The following UNC5D variants were observed in gnomAD, a reference collection of about 807,000 sequenced individuals.
UNC5D encodes the protein unc-5 netrin receptor D, also known as netrin receptor UNC5D.
UNC5D carries 39 observed loss-of-function variants against 105.4 expected under a neutral mutation model. That is an observed-to-expected ratio of 0.37 (90% CI 0.29 to 0.48). The LOEUF (loss-of-function observed/expected upper bound fraction) is 0.48, where lower values mean the gene tolerates loss of function less well. Ranked by LOEUF, UNC5D falls within the 20% of genes least tolerant of loss-of-function variation. UNC5D has a pLI of 0.98. For synonymous variants in UNC5D, 452 were observed against 450.4 expected (o/e 1.00, Z -0.04); for missense variants, 991 against 1,202.4 (o/e 0.82, Z 2.60).
At chr8:35,465,526 C>T (rs1809236988) in intron 1 of UNC5D, among the ~76,000 whole-genome samples, 1 of 152,160 alleles carries the variant, frequency 6.6e-6, no homozygotes, top group Non-Finnish European at 1.5e-5. Flanking sequence ...ATTGTATGCT[C>T]AAAAGCCACA....
chr8:35,440,161 TC>T (rs1334307385), intron 1 of UNC5D, among the ~76,000 whole-genome samples: 2 of 152,006 alleles, frequency 1.3e-5, no homozygotes, highest in African/African-American at 4.8e-5. Context: ...TCTACCTAAC[TC>T]CATTCTTTGT....
intron 4 of UNC5D, among the ~76,000 whole-genome samples, chr8:35,632,130 G>A (rs1318449633): frequency 6.6e-6 from 1 of 152,342 alleles, no homozygotes; most frequent in Non-Finnish European, 1.5e-5. Context: ...TTAAGACCAA[G>A]AAGAGGTGAA....
chr8:35,467,572 CAAAAAAA>C (rs769649743), intron 1 of UNC5D, among the ~76,000 whole-genome samples: 1 of 42,540 alleles, frequency 2.4e-5, no homozygotes, highest in South Asian at 9.9e-4. Context: ...CTATGACAGG[CAAAAAAA>C]AAAAAAAAAA....
At chr8:35,605,727 C>T (rs1012984732) in intron 4 of UNC5D, among the ~76,000 whole-genome samples, 17 of 152,196 alleles carry the variant, frequency 1.1e-4, no homozygotes, top group African/African-American at 4.1e-4. Flanking sequence ...AACTCAATCA[C>T]TAGTTCTACA....
At chr8:35,261,573 C>A (rs1362946311) in intron 1 of UNC5D, among the ~76,000 whole-genome samples, 1 of 136,948 alleles carries the variant, frequency 7.3e-6, no homozygotes, top group African/African-American at 2.8e-5. Flanking sequence ...CAGTGCTCAT[C>A]TTTTGTGCTC....
chr8:35,569,449 C>A (rs1817578259), intron 3 of UNC5D, among the ~76,000 whole-genome samples: 1 of 152,188 alleles, frequency 6.6e-6, no homozygotes, highest in African/African-American at 2.4e-5. Context: ...TTGCTATTTG[C>A]AGAGACATTT....
At chr8:35,717,161 G>T (rs900643311) in intron 8 of UNC5D, among the ~76,000 whole-genome samples, 1 of 152,172 alleles carries the variant, frequency 6.6e-6, no homozygotes, top group African/African-American at 2.4e-5. Context: ...TGGGAGCAAT[G>T]GCATTCTGCA....
At chr8:35,467,936 T>C (rs189066258) in intron 1 of UNC5D, among the ~76,000 whole-genome samples, 2 of 152,202 alleles carry the variant, frequency 1.3e-5, no homozygotes, top group Non-Finnish European at 2.9e-5. Flanking sequence ...AAATCTAAAA[T>C]TCTGTGATCT....
At chr8:35,743,500 A>G (rs1275226991) in intron 11 of UNC5D, among the ~76,000 whole-genome samples, 1 of 149,380 alleles carries the variant, frequency 6.7e-6, no homozygotes, top group East Asian at 2.0e-4. Context: ...CTGGTCTTGA[A>G]CTCCTGACCT....
intron 1 of UNC5D, among the ~76,000 whole-genome samples, chr8:35,512,385 G>C (rs1038642084): frequency 2.1e-5 from 3 of 145,186 alleles, no homozygotes; most frequent in Non-Finnish European, 4.5e-5. Context: ...AGCCAGGCAC[G>C]TGCTTATATA....
intron 1 of UNC5D, among the ~76,000 whole-genome samples, chr8:35,467,572 C>CAAAAAAAAAAAAAA (rs769649743): frequency 2.4e-5 from 1 of 42,540 alleles, no homozygotes; most frequent in Non-Finnish European, 5.5e-5. Context: ...CTATGACAGG[C>CAAAAAAAAAAAAAA]AAAAAAAAAA....
At chr8:35,291,415 G>T (rs1316398967) in intron 1 of UNC5D, among the ~76,000 whole-genome samples, 1 of 152,186 alleles carries the variant, frequency 6.6e-6, no homozygotes, top group Non-Finnish European at 1.5e-5. Flanking sequence ...GTACCATAAA[G>T]GATATGTCTC....
chr8:35,369,820 T>C (rs1180823848), intron 1 of UNC5D, among the ~76,000 whole-genome samples: 7 of 152,208 alleles, frequency 4.6e-5, no homozygotes, highest in Non-Finnish European at 1.5e-5. Context: ...AGGGATTTCA[T>C]TAGCTCCTTC....
At chr8:35,355,240 T>C (rs779248276) in intron 1 of UNC5D, among the ~76,000 whole-genome samples, 1 of 152,058 alleles carries the variant, frequency 6.6e-6, no homozygotes, top group Non-Finnish European at 1.5e-5. Context: ...TTGAGCAAGA[T>C]CCTAAAGACT....
intron 7 of UNC5D, among the ~76,000 whole-genome samples, chr8:35,694,386 A>G (rs535364056): frequency 1.3e-5 from 2 of 152,294 alleles, no homozygotes; most frequent in African/African-American, 4.8e-5. Context: ...ACAGACAGGA[A>G]CCTAGAATTG....
At chr8:35,610,457 T>C (rs1016419625) in intron 4 of UNC5D, among the ~76,000 whole-genome samples, 1 of 152,154 alleles carries the variant, frequency 6.6e-6, no homozygotes, top group African/African-American at 2.4e-5. Context: ...ATTTGAAATA[T>C]GTAATCTGAT....
At chr8:35,384,444 C>G (rs1450080535) in intron 1 of UNC5D, among the ~76,000 whole-genome samples, 2 of 152,092 alleles carry the variant, frequency 1.3e-5, no homozygotes, top group East Asian at 3.9e-4. Context: ...CTCCTGCCCC[C>G]TTTAAATTGG....
intron 1 of UNC5D, among the ~76,000 whole-genome samples, chr8:35,450,999 G>A (rs1676954685): frequency 6.6e-6 from 1 of 151,092 alleles, no homozygotes; most frequent in Admixed American, 6.6e-5. Context: ...GTTTATTGGG[G>A]TATAACCCTA....
At chr8:35,581,890 C>G (rs533748126) in intron 3 of UNC5D, among the ~76,000 whole-genome samples, 1 of 152,276 alleles carries the variant, frequency 6.6e-6, no homozygotes, top group East Asian at 1.9e-4. Context: ...TTCTTTCCTT[C>G]ATTCACATCC....
Sources: gnomAD v4.1 joint callset for allele counts (sites outside exome capture counted in the v4.1 genomes callset) on GRCh38, gnomAD v4.1.1 for gene constraint, MANE v1.5 for transcripts, NCBI Gene and HGNC (gene_info 2026-07-23, HGNC 2026-07-21) for gene names.